Variants in BTC observed in about 807,000 individuals in gnomAD.
BTC encodes probetacellulin.
A neutral mutation model predicts 18.1 loss-of-function variants in BTC; 13 were observed. The observed-to-expected ratio is 0.72, with a 90% CI of 0.47 to 1.14. The LOEUF (loss-of-function observed/expected upper bound fraction) is 1.14. BTC is among the 50% of genes most tolerant of loss of function. The probability of loss-of-function intolerance (pLI) is 0.00; values close to 1 mark genes in which losing one functional copy is unlikely to be tolerated. For missense variants in BTC, 247 were observed against 224.2 expected (o/e 1.10, Z -0.65); for synonymous variants, 83 against 79.4 (o/e 1.05, Z -0.24).
chr4:74,757,792 A>G (rs1027098293), intron 2 of BTC, among the ~76,000 whole-genome samples: 1 of 152,232 alleles, frequency 6.6e-6, no homozygotes, highest in Non-Finnish European at 1.5e-5. Context: ...ATTTTTAGCT[A>G]TGCCTTTCAC....
At chr4:74,775,208 T>G (rs991227351) in intron 1 of BTC, among the ~76,000 whole-genome samples, 1 of 152,098 alleles carries the variant, frequency 6.6e-6, no homozygotes, top group African/African-American at 2.4e-5. Context: ...AGGTTCTATT[T>G]TGGGGAATCA....
chr4:74,748,525 G>C (rs892117449), intron 4 of BTC, among the ~76,000 whole-genome samples: 2 of 151,346 alleles, frequency 1.3e-5, no homozygotes, highest in African/African-American at 2.4e-5. Flanking sequence ...GACAGAGTGA[G>C]ACTCCGTCAC....
intron 3 of BTC, among the ~76,000 whole-genome samples, chr4:74,753,810 C>A (rs1339361172): frequency 7.4e-5 from 10 of 134,336 alleles, no homozygotes; most frequent in African/African-American, 2.7e-4. Context: ...TATAACAAGA[C>A]CTTCTCTCCA....
intron 3 of BTC, among the ~76,000 whole-genome samples, chr4:74,753,726 T>C (rs1724522728): frequency 6.6e-6 from 1 of 152,152 alleles, no homozygotes; most frequent in Non-Finnish European, 1.5e-5. Context: ...TATCTACCAC[T>C]CATCTCATAG....
chr4:74,749,126 C>T (rs1724376761), intron 4 of BTC, among the ~76,000 whole-genome samples: 2 of 151,848 alleles, frequency 1.3e-5, no homozygotes, highest in South Asian at 4.2e-4. Flanking sequence ...ATGGAGGAAC[C>T]GAGACAAAAA....
intron 4 of BTC, among the ~76,000 whole-genome samples, chr4:74,749,198 G>A (rs1724379921): frequency 6.6e-6 from 1 of 152,070 alleles, no homozygotes; most frequent in Non-Finnish European, 1.5e-5. Context: ...GGGATGCCGA[G>A]GTAGGTGGAT....
chr4:74,769,829 T>G (rs1427669161), intron 2 of BTC, among the ~76,000 whole-genome samples: 2 of 152,150 alleles, frequency 1.3e-5, no homozygotes, highest in East Asian at 3.9e-4. Flanking sequence ...TCCAGCTGTA[T>G]GACCTTTGGC....
At position 74,752,232 on chromosome 4, in the gene BTC, C is replaced by G. The variant is rs545534777; in HGVS notation, c.282-1513G>C. ...CTAAAGGCATCTATTATAAAAGGAC[C>G]CAAGGATGAATGAAAGAAAATTGCT... is the stretch of plus-strand genomic sequence containing the variant. On this transcript the variant is annotated intron_variant, in intron 3 of 5. Transcript: ENST00000395743. 9.2e-5 allele frequency among the ~76,000 whole-genome samples: 14 copies of G among 152,136 alleles called. No homozygotes were observed. In the South Asian group the frequency reaches 2.9e-3, roughly 32 times the overall value.
chr4:74,757,165 A>G (rs558829892), intron 2 of BTC, among the ~76,000 whole-genome samples: 1 of 152,330 alleles, frequency 6.6e-6, no homozygotes, highest in South Asian at 2.1e-4. Flanking sequence ...TGGCATCCCA[A>G]TGACATTGAA....
intron 1 of BTC, among the ~76,000 whole-genome samples, chr4:74,773,250 G>C: frequency 6.6e-6 from 1 of 152,202 alleles, no homozygotes; most frequent in Admixed American, 6.5e-5. Context: ...TCGCAAGACA[G>C]ATCTGAAATG....
At chr4:74,771,124 GTA>G (rs1016484521) in intron 1 of BTC, among the ~76,000 whole-genome samples, 3 of 151,894 alleles carry the variant, frequency 2.0e-5, no homozygotes, top group Non-Finnish European at 2.9e-5. Flanking sequence ...TCTCTGGTTC[GTA>G]TATGTTTAAA....
chr4:74,748,218 G>A, intron 4 of BTC, 69 bp from the exon 5 acceptor site: 1 of 944,138 alleles, frequency 1.1e-6, no homozygotes, highest in African/African-American at 1.7e-5. Flanking sequence ...TATCCATCAA[G>A]AGATCCTATG....
intron 1 of BTC, among the ~76,000 whole-genome samples, chr4:74,777,499 A>G (rs1332122828): frequency 6.6e-6 from 1 of 152,218 alleles, no homozygotes; most frequent in Non-Finnish European, 1.5e-5. Context: ...TTTCTGATAT[A>G]AACTATGAAA....
Position 74,759,655 on chromosome 4 carries a change from G to C in BTC, c.164-3679C>G, listed in dbSNP as rs1724698620. Among the ~76,000 whole-genome samples, 3 of 123,582 alleles carry C rather than the reference G, an allele frequency of 2.4e-5. No individual in the cohort carries two copies. The Admixed American group carries it at 2.6e-4, about 11-fold the overall frequency. 81.1% of individuals were successfully genotyped at this position (123,582 alleles called of 152,430 possible). A position where few individuals can be genotyped will look rare whatever the true frequency, so the allele number is the denominator to read the frequency against. On this transcript the variant is annotated intron_variant, in intron 2 of 5. Coordinates refer to ENST00000395743, the MANE Select transcript of BTC (RefSeq NM_001729.4). ...ATATAAATAAAGACATGACATTTAA[G>C]TTAAAAAAAAAAAAAGAAACCTTTA...
chr4:74,757,671 C>T (rs975111813), intron 2 of BTC, among the ~76,000 whole-genome samples: 2 of 152,024 alleles, frequency 1.3e-5, no homozygotes, highest in Admixed American at 1.3e-4. Flanking sequence ...AAATAAAAAA[C>T]AAGAATAAAC....
Position 74,755,933 on chromosome 4 carries a change from G to A in BTC, c.207C>T (p.Cys69=), listed in dbSNP as rs1197340751. 5 of 1,614,018 alleles carry A rather than the reference G, an allele frequency of 3.1e-6. No homozygotes were observed. The highest frequency in any genetic ancestry group is 3.3e-5 in the Admixed American group (2 of 60,006). The change falls in exon 3 of 6, where the codon TGC becomes TGT. Residue 69 remains cysteine (C), a synonymous_variant. Coordinates refer to ENST00000395743, the MANE Select transcript of BTC (RefSeq NM_001729.4). ...TGCAGTAATGCTTGTATTGCTTGGG[G>A]CACCTAGAGAAGTGGCCTTTCCGCT... ...QSKRKGHFSR[C]PKQYKHYCIK...
chr4:74,754,697 C>T (rs191654859), intron 3 of BTC, among the ~76,000 whole-genome samples: 66 of 152,128 alleles, frequency 4.3e-4, no homozygotes, highest in African/African-American at 1.3e-3. Context: ...GCTAAGAAAA[C>T]GAGTTTAAAT....
At chr4:74,790,832 A>G (rs983513676) in intron 1 of BTC, among the ~76,000 whole-genome samples, 11 of 152,212 alleles carry the variant, frequency 7.2e-5, no homozygotes, top group African/African-American at 2.7e-4. Context: ...CCTGGAAGCA[A>G]GGAAGAGCCA....
At chr4:74,753,837 AT>A (rs1553956449) in intron 3 of BTC, among the ~76,000 whole-genome samples, 2 of 149,502 alleles carry the variant, frequency 1.3e-5, no homozygotes, top group African/African-American at 4.9e-5. Context: ...GAAAAAAAAA[AT>A]ATTGTTCTTA....
Sources: allele counts gnomAD v4.1 joint callset (sites outside exome capture counted in the v4.1 genomes callset), GRCh38; gene constraint gnomAD v4.1.1; transcripts MANE v1.5; gene names NCBI Gene and HGNC (gene_info 2026-07-23, HGNC 2026-07-21).